The following COL2A1 variants were observed in gnomAD, a reference collection of about 807,000 sequenced individuals.
The protein encoded by COL2A1 is collagen type II alpha 1 chain, also known as collagen alpha-1(II) chain.
Under a neutral mutation model 204.5 loss-of-function variants are expected in COL2A1, and 28 were observed. The observed-to-expected ratio is 0.14, with a 90% confidence interval of 0.10 to 0.19. The LOEUF (loss-of-function observed/expected upper bound fraction) is 0.19, where lower values mean the gene tolerates loss of function less well. Among genes scored for constraint, COL2A1 ranks in the 10% least tolerant of loss-of-function variants. The pLI is 1.00. For synonymous variants in COL2A1, 708 were observed against 718.7 expected, an observed-to-expected ratio of 0.99 and a Z score of 0.24; for missense variants, 1,388 against 2,027.5, an observed-to-expected ratio of 0.68 and a Z score of 6.06.
In COL2A1 at chr12:47,976,127, T is replaced by C; in HGVS notation, c.3490-57A>G. On this transcript the variant is annotated intron_variant, in intron 49 of 53. Transcript: ENST00000380518. This position sits in a 1 kb window ranked among gnomAD's most constrained non-coding sequence, Gnocchi z 4.3. ...GGTCACCACAGGGAAGGCTGGGGAG[T>C]CGCTGGGGCTGGGTAGGTGGCTGTC... The C allele has an allele frequency of 7.7e-7, 1 of 1,290,566 alleles. No individual in the cohort carries two copies. Among genetic ancestry groups the C allele is most frequent in the Non-Finnish European group, 1.1e-6 (1 of 885,762 alleles). 79.9% of individuals were successfully genotyped at this position (1,290,566 alleles called of 1,614,324 possible).
At chr12:47,985,408 C>G (rs1939338882) in intron 26 of COL2A1, 126 bp downstream of exon 26, 1 of 1,019,170 alleles carries the variant, frequency 9.8e-7, no homozygotes, top group Non-Finnish European at 1.5e-6. Context: ...ACCATCTACC[C>G]CCTGTCACAA....
At chr12:47,979,603 C>A in intron 40 of COL2A1, 39 bp from the exon 41 acceptor site, 1 of 1,560,700 alleles carries the variant, frequency 6.4e-7, no homozygotes, top group Non-Finnish European at 8.8e-7. Flanking sequence ...ACCTCAAGCC[C>A]TCAGGAGGTT....
chr12:47,974,662 C>T lies in COL2A1; in HGVS notation c.4074+13G>A, dbSNP rs1285629987. 3 of 1,613,686 alleles carry T rather than the reference C, an allele frequency of 1.9e-6. No individual in the cohort carries two copies. Among genetic ancestry groups the T allele is most frequent in the Non-Finnish European group, 2.5e-6 (3 of 1,179,740 alleles). On this transcript the variant is annotated intron_variant, in intron 52 of 53. Transcript: ENST00000380518. ...CCATCTCTGCTCATCATCTAGGGCA[C>T]CCAGGTACTCACATGGAAGCCACCA...
At chr12:47,994,529 G>T in intron 11 of COL2A1, 52 bp from the exon 12 acceptor site, 1 of 1,601,052 alleles carries the variant, frequency 6.2e-7, no homozygotes, top group South Asian at 1.1e-5. Flanking sequence ...CAGTAGCATA[G>T]TGGGGGCACC....
chr12:47,993,952 C>T, intron 13 of COL2A1, 42 bp downstream of exon 13: 1 of 1,613,598 alleles, frequency 6.2e-7, no homozygotes, highest in South Asian at 1.1e-5. Context: ...TCTCTCCCAC[C>T]AGGCATCTCT....
intron 22 of COL2A1, 80 bp downstream of exon 22, chr12:47,986,755 G>T: frequency 1.3e-6 from 2 of 1,494,466 alleles, no homozygotes; most frequent in Non-Finnish European, 1.9e-6. Context: ...GGAGGAGGGA[G>T]GTGGTGGGTC....
chr12:47,993,584 C>T, intron 14 of COL2A1, 82 bp from the exon 15 acceptor site: 1 of 1,303,198 alleles, frequency 7.7e-7, no homozygotes, highest in South Asian at 1.2e-5. Context: ...GCCAAAAGCC[C>T]TGGTCATCTC....
At chr12:47,975,217 C>G (rs1241051887) in intron 51 of COL2A1, 100 bp downstream of exon 51, 2 of 1,459,476 alleles carry the variant, frequency 1.4e-6, no homozygotes, top group Non-Finnish European at 1.9e-6. Flanking sequence ...CTTCCAGGCC[C>G]AGCTCTGCCC....
At position 47,987,416 on chromosome 12, in the gene COL2A1, T is replaced by C; in HGVS notation, c.1222-103A>G. The C allele has an allele frequency of 8.1e-7, 1 of 1,241,884 alleles. No individual in the cohort carries two copies. The highest frequency in any genetic ancestry group is 1.2e-6 in the Non-Finnish European group (1 of 854,786). The allele number at this position is 1,241,884 out of a possible 1,614,324, so 76.9% of individuals were successfully genotyped here. ...GGGACCTGGCATAGGTGCTGTCCAT[T>C]TCAGGGACATTCCCACTATGTGTTT... is the stretch of plus-strand genomic sequence containing the variant. On this transcript the variant is annotated intron_variant, in intron 19 of 53. Transcript: ENST00000380518. This position sits in a 1 kb window ranked among gnomAD's most constrained non-coding sequence, Gnocchi z 4.1.
At chr12:47,981,887 G>A (rs1939113111) in intron 35 of COL2A1, 58 bp from the exon 36 acceptor site, 12 of 1,529,160 alleles carry the variant, frequency 7.8e-6, no homozygotes, top group Non-Finnish European at 1.1e-5. Flanking sequence ...AGCACGTGCG[G>A]CCCGGCACCA....
intron 53 of COL2A1, among the ~76,000 whole-genome samples, 187 bp from the exon 54 acceptor site, chr12:47,973,740 G>C (rs1035889871): frequency 9.9e-5 from 15 of 152,010 alleles, no homozygotes; most frequent in Non-Finnish European, 2.1e-4. Context: ...CCTATCCTTA[G>C]CGGCAGGGCC....
At chr12:47,981,092 G>T in intron 37 of COL2A1, 124 bp from the exon 38 acceptor site, 1 of 1,068,284 alleles carries the variant, frequency 9.4e-7, no homozygotes, top group Non-Finnish European at 1.4e-6. Flanking sequence ...TCTGAAAGCA[G>T]CCTTAGTCCT....
chr12:47,979,987 G>A (rs956473161), intron 40 of COL2A1, 22 bp downstream of exon 40: 1 of 1,548,434 alleles, frequency 6.5e-7, no homozygotes, highest in Non-Finnish European at 8.7e-7. Flanking sequence ...GTGCAGGGTG[G>A]GGTGTCAGAG....
At chr12:47,977,564 C>A (rs1465230356) in intron 45 of COL2A1, 36 bp downstream of exon 45, 7 of 1,613,262 alleles carry the variant, frequency 4.3e-6, no homozygotes, top group Non-Finnish European at 5.9e-6. Context: ...CAATGTCCTC[C>A]CCAACCCACT....
Position 47,985,894 on chromosome 12 carries a change from C to T in COL2A1, c.1581+18G>A. 6.4e-7 allele frequency: 1 copy of T among 1,557,142 alleles called. No individual in the cohort carries two copies. The highest frequency in any genetic ancestry group is 8.7e-7 in the Non-Finnish European group (1 of 1,149,740). On this transcript the variant is annotated intron_variant, in intron 24 of 53. Transcript: ENST00000380518. ...CAGCGATGCAGGGAGGGACCCCAGC[C>T]CCTCTTCTCCCACTCACCTTGGGAC...
chr12:47,977,632 G>C lies in COL2A1; in HGVS notation c.3133C>G (p.Pro1045Ala), dbSNP rs756815438. The part of the protein sequence containing the change: ...GREGSPGADG[P>A]PGRDGAAGVK... ...CCAGCAGCGCCATCTCTGCCAGGGG[G>C]GCCATCAGCACCGGGGCTTCCCTGG... Residue 1045 changes from proline to alanine, a missense_variant, in exon 45 of 54, where the codon CCC (proline) becomes GCC (alanine). This residue lies in a region of COL2A1 where 884 missense variants were observed against 1,415.8 expected (regional missense o/e 0.62). Coordinates refer to ENST00000380518, the MANE Select transcript of COL2A1 (RefSeq NM_001844.5). 8 of 1,614,090 alleles carry C rather than the reference G, an allele frequency of 5.0e-6. No homozygotes were observed. The highest frequency in any genetic ancestry group is 1.1e-5 in the South Asian group (1 of 91,070).
chr12:48,005,425 G>C (rs1477230689), upstream of COL2A1: 2 of 152,358 alleles, frequency 1.3e-5, no homozygotes, highest in Non-Finnish European at 2.9e-5. Flanking sequence ...GGCCGTCGTA[G>C]AGCAGCTTTG....
chr12:47,986,003 C>G (rs1565682449), intron 23 of COL2A1, 38 bp from the exon 24 acceptor site: 2 of 1,546,238 alleles, frequency 1.3e-6, no homozygotes, highest in East Asian at 2.4e-5. Context: ...TGAGTGAGAA[C>G]AGCCCCAACC....
At chr12:47,997,789 T>A in intron 6 of COL2A1, 82 bp from the exon 7 acceptor site, 2 of 1,609,676 alleles carry the variant, frequency 1.2e-6, no homozygotes, top group Non-Finnish European at 1.7e-6. Flanking sequence ...CTTTAAGAGG[T>A]GACCAGGCCC....
Sources: gnomAD v4.1 joint callset for allele counts (sites outside exome capture counted in the v4.1 genomes callset) on GRCh38, gnomAD v4.1.1 for gene constraint, gnomAD v4.1.1 regional missense constraint, Gnocchi (gnomAD v3.1) non-coding constraint, MANE v1.5 for transcripts, NCBI Gene and HGNC (gene_info 2026-07-23, HGNC 2026-07-21) for gene names.